The following PALMD variants were observed in gnomAD, a reference collection of about 807,000 sequenced individuals.
PALMD encodes paralemmin-like protein.
A neutral mutation model predicts 56.2 loss-of-function variants in PALMD; 42 were observed. The observed-to-expected ratio is 0.75, with a 90% CI of 0.58 to 0.97. PALMD has a LOEUF of 0.97. PALMD is among the 50% of genes least tolerant of loss of function. The probability of loss-of-function intolerance (pLI) is 0.00; values close to 1 mark genes in which losing one functional copy is unlikely to be tolerated. For missense variants in PALMD, 660 were observed against 643.8 expected (o/e 1.03, Z -0.27); for synonymous variants, 242 against 222.9 (o/e 1.09, Z -0.76).
At chr1:99,667,847 T>C (rs1470164684) in intron 3 of PALMD, 81 bp downstream of exon 3, 1 of 1,247,502 alleles carries the variant, frequency 8.0e-7, no homozygotes, top group Non-Finnish European at 1.1e-6. Context: ...CCATTCTCAC[T>C]TTCAGGGGCA....
At chr1:99,678,291 G>A (rs1653260348) in intron 3 of PALMD, among the ~76,000 whole-genome samples, 1 of 151,812 alleles carries the variant, frequency 6.6e-6, no homozygotes, top group African/African-American at 2.4e-5. Context: ...TTTTAGTAGA[G>A]ACAAGGTTTC....
At chr1:99,647,769 C>T (rs1031119055) in intron 1 of PALMD, among the ~76,000 whole-genome samples, 1 of 152,192 alleles carries the variant, frequency 6.6e-6, no homozygotes, top group African/African-American at 2.4e-5. Flanking sequence ...ATTTCTAATG[C>T]TTATATCTCC....
At chr1:99,671,758 A>G (rs1653094053) in intron 3 of PALMD, among the ~76,000 whole-genome samples, 1 of 152,136 alleles carries the variant, frequency 6.6e-6, no homozygotes, top group Non-Finnish European at 1.5e-5. Flanking sequence ...TGTGCTAAAC[A>G]TTTCATGTAC....
intron 1 of PALMD, among the ~76,000 whole-genome samples, chr1:99,659,446 T>G (rs909159456): frequency 6.6e-6 from 1 of 152,174 alleles, no homozygotes; most frequent in Non-Finnish European, 1.5e-5. Flanking sequence ...AATGGTTACA[T>G]TAATAACCAG....
chr1:99,680,144 C>T (rs1450671561), intron 3 of PALMD, among the ~76,000 whole-genome samples: 2 of 152,122 alleles, frequency 1.3e-5, no homozygotes, highest in African/African-American at 4.8e-5. Flanking sequence ...CCCTTAGCAG[C>T]AGAAAAATTG....
intron 1 of PALMD, among the ~76,000 whole-genome samples, chr1:99,650,201 C>G (rs749928924): frequency 6.8e-6 from 1 of 148,060 alleles, no homozygotes; most frequent in Non-Finnish European, 1.5e-5. Flanking sequence ...AGGACTGCCT[C>G]CATTTGGAAA....
chr1:99,689,208 C>T lies in PALMD; in HGVS notation c.948C>T (p.Asn316=). The change falls in exon 7 of 8, where the codon AAC becomes AAT. Residue 316 remains asparagine (N), a synonymous_variant. Transcript: ENST00000263174. The part of the protein sequence containing the change: ...GNGLSEERGN[N]FNHISPIPPV... ...GTCTTTCAGAGGAAAGGGGAAACAA[C>T]TTCAATCACATCAGTCCCATTCCGC... 1 of 1,613,562 alleles carries T rather than the reference C, an allele frequency of 6.2e-7. No individual in the cohort carries two copies. The highest frequency in any genetic ancestry group is 8.5e-7 in the Non-Finnish European group (1 of 1,179,762).
chr1:99,666,291 A>T (rs1652958264), intron 2 of PALMD, among the ~76,000 whole-genome samples: 1 of 152,144 alleles, frequency 6.6e-6, no homozygotes, highest in Non-Finnish European at 1.5e-5. Flanking sequence ...CTCAGTAAAA[A>T]ATAATCATCC....
At chr1:99,650,459 C>T (rs917064077) in intron 1 of PALMD, among the ~76,000 whole-genome samples, 1 of 152,122 alleles carries the variant, frequency 6.6e-6, no homozygotes, top group African/African-American at 2.4e-5. Flanking sequence ...AGTACAAAGA[C>T]CAACATTAAA....
intron 1 of PALMD, among the ~76,000 whole-genome samples, chr1:99,654,678 T>C (rs1652680875): frequency 6.6e-6 from 1 of 152,206 alleles, no homozygotes; most frequent in African/African-American, 2.4e-5. Flanking sequence ...TGAACTATAA[T>C]AAATTATGCA....
At chr1:99,664,467 C>T (rs1652917089) in intron 2 of PALMD, among the ~76,000 whole-genome samples, 1 of 152,084 alleles carries the variant, frequency 6.6e-6, no homozygotes, top group Admixed American at 6.6e-5. Context: ...GAAATTTGGC[C>T]TGCGTCCTTA....
chr1:99,653,215 C>T (rs906664535), intron 1 of PALMD, among the ~76,000 whole-genome samples: 5 of 152,086 alleles, frequency 3.3e-5, no homozygotes, highest in Non-Finnish European at 5.9e-5. Flanking sequence ...AATGAATGAA[C>T]AAATACAATC....
chr1:99,649,248 T>C (rs935001713), intron 1 of PALMD, among the ~76,000 whole-genome samples: 28 of 152,222 alleles, frequency 1.8e-4, no homozygotes, highest in African/African-American at 5.8e-4. Flanking sequence ...TTTTCAACTA[T>C]AATTTAAACA....
intron 1 of PALMD, 36 bp downstream of exon 1, chr1:99,646,398 T>C (rs753679684): frequency 6.4e-7 from 1 of 1,563,142 alleles, no homozygotes; most frequent in Non-Finnish European, 8.8e-7. Context: ...ATTAACGTTG[T>C]TACTTAGAGG....
At chr1:99,657,363 C>A (rs1462716666) in intron 1 of PALMD, among the ~76,000 whole-genome samples, 1 of 152,192 alleles carries the variant, frequency 6.6e-6, no homozygotes, top group Non-Finnish European at 1.5e-5. Flanking sequence ...AACATAAGAG[C>A]CTGCATTCCA....
chr1:99,679,623 T>C lies in PALMD; in HGVS notation c.252-7053T>C, dbSNP rs374665927. On this transcript the variant is annotated intron_variant, in intron 3 of 7. Transcript: ENST00000263174. Reference sequence around the variant, plus strand: ...CACACTCGTGGGCCCCAGCTATCATTTCAATCTTCACTTCCTTCATTATCA... The same window carrying C: ...CACACTCGTGGGCCCCAGCTATCATCTCAATCTTCACTTCCTTCATTATCA... Among the ~76,000 whole-genome samples the C allele has an allele frequency of 2.0e-3, 307 of 152,336 alleles. 12 individuals carry two copies. The South Asian group carries it at 0.059, about 29-fold the overall frequency.
intron 1 of PALMD, among the ~76,000 whole-genome samples, chr1:99,650,646 C>T (rs895809959): frequency 1.3e-5 from 2 of 152,056 alleles, no homozygotes; most frequent in African/African-American, 4.8e-5. Flanking sequence ...ATTTGTGGGG[C>T]CCAAAACACA....
chr1:99,652,689 G>GAAAA lies in PALMD; in HGVS notation c.45+6327_45+6328insAAAA, dbSNP rs1557666490. Among the ~76,000 whole-genome samples the GAAAA allele has an allele frequency of 8.1e-3, 458 of 56,416 alleles. 2 individuals are homozygous for GAAAA. The highest frequency in any genetic ancestry group is 0.029 in the African/African-American group (437 of 15,032). The allele number at this position is 56,416 out of a possible 152,430, so 37.0% of individuals were successfully genotyped here. A position where few individuals can be genotyped will look rare whatever the true frequency, so the allele number is the denominator to read the frequency against. ...GGAAAGGAAAGGAAAGGAAAGGAAA[G>GAAAA]GAAAGGAAAAGAAAAGAAAAGAAAA... On this transcript the variant is annotated intron_variant, in intron 1 of 7. Transcript: ENST00000263174.
At chr1:99,664,805 T>A (rs1652924427) in intron 2 of PALMD, among the ~76,000 whole-genome samples, 1 of 152,196 alleles carries the variant, frequency 6.6e-6, no homozygotes, top group African/African-American at 2.4e-5. Flanking sequence ...ACTTTCCTGA[T>A]TGCAAACTAG....
Sources: gnomAD v4.1 joint callset for allele counts (sites outside exome capture counted in the v4.1 genomes callset) on GRCh38, gnomAD v4.1.1 for gene constraint, MANE v1.5 for transcripts, NCBI Gene and HGNC (gene_info 2026-07-23, HGNC 2026-07-21) for gene names.